Variants in BAIAP3 observed in about 807,000 individuals in gnomAD.
BAIAP3 encodes the protein BAI1 associated protein 3, also known as BAI1-associated protein 3.
BAIAP3 carries 180 observed loss-of-function variants against 149.7 expected under a neutral mutation model. The observed-to-expected ratio is 1.20, with a 90% CI of 1.07 to 1.36. BAIAP3 has a LOEUF of 1.36. Among genes scored for constraint, BAIAP3 ranks in the 40% most tolerant of loss-of-function variants. The pLI, the probability that BAIAP3 is intolerant of heterozygous loss-of-function variation, is 0.00. For missense variants in BAIAP3, 1,767 were observed against 1,563.4 expected (o/e 1.13, Z -2.20); for synonymous variants, 845 against 670.7 (o/e 1.26, Z -4.02).
At chr16:1,339,301 G>A (rs892566492) in intron 4 of BAIAP3, 57 bp downstream of exon 4, 52 of 1,539,004 alleles carry the variant, frequency 3.4e-5, no homozygotes, top group East Asian at 4.9e-5. Context: ...TCCCTCAGCC[G>A]TTTAGAGGCA....
chr16:1,349,000 G>T lies in BAIAP3; in HGVS notation c.*518G>T. 1 of 280,470 alleles carries T rather than the reference G, an allele frequency of 3.6e-6. No individual in the cohort carries two copies. The highest frequency in any genetic ancestry group is 2.2e-5 in the African/African-American group (1 of 45,220). 17.4% of individuals were successfully genotyped at this position (280,470 alleles called of 1,614,324 possible). ...GGGCAGGTGAGTCAAGAACCGCATA[G>T]GTCTCCAGTCCCCACGGGGCTCCCA... On this transcript the variant is annotated 3_prime_UTR_variant, in exon 34 of 34. Coordinates refer to ENST00000426824, the MANE Select transcript of BAIAP3 (RefSeq NM_001199097.2).
chr16:1,344,201 C>T, intron 16 of BAIAP3, 26 bp from the exon 17 acceptor site: 2 of 1,612,858 alleles, frequency 1.2e-6, no homozygotes, highest in Non-Finnish European at 1.7e-6. Flanking sequence ...GGGCAGGCCC[C>T]ACGTCAGCGT....
rs2033882623 is a variant in BAIAP3 at position 1,340,928 on chromosome 16, G to T, written c.415G>T (p.Gly139Cys). ...ALLSYLQQVF[G>C]TSLEEHTEAI... is the part of the protein sequence containing the mutation. The stretch of plus-strand genomic sequence containing the variant: ...ACCCAGCCACCCTCCACAGGTGTTT[G>T]GCACCAGCCTTGAGGAGCACACTGA... Residue 139 changes from glycine to cysteine, a missense_variant, in exon 6 of 34, where the codon GGC (glycine) becomes TGC (cysteine). Gly to Cys is a radical substitution (Grantham distance 159). Coordinates refer to ENST00000426824, the MANE Select transcript of BAIAP3 (RefSeq NM_001199097.2). 2.5e-6 allele frequency: 4 copies of T among 1,572,782 alleles called. No homozygotes were observed. The highest frequency in any genetic ancestry group is 3.4e-6 in the Non-Finnish European group (4 of 1,159,472).
rs756030566 is a variant in BAIAP3 at position 1,345,338 on chromosome 16, A to G, written c.2030A>G (p.Lys677Arg). The G allele has an allele frequency of 6.2e-7, 1 of 1,612,940 alleles. No homozygotes were observed. Among genetic ancestry groups the G allele is most frequent in the East Asian group, 2.2e-5 (1 of 44,884 alleles). Residue 677 changes from lysine (K) to arginine (R), a missense_variant, in exon 22 of 34, where the codon AAG becomes AGG. Lys to Arg is a conservative substitution (Grantham distance 26). Transcript: ENST00000426824. ...LWFQVLRDQA[K>R]WRLQGAVDMD... The stretch of plus-strand genomic sequence containing the variant: ...TTCCAAGTGCTGAGGGACCAGGCCA[A>G]GTGGAGGCTTCAGGGAGCCGTGGAC...
intron 1 of BAIAP3, 67 bp from the exon 2 acceptor site, chr16:1,338,473 C>G (rs543937481): frequency 3.7e-6 from 4 of 1,091,458 alleles, no homozygotes; most frequent in Non-Finnish European, 4.7e-6. Context: ...CCCACCCCCC[C>G]GCCTGCTGTG....
chr16:1,341,525 C>T (rs1308504964), intron 8 of BAIAP3, 36 bp downstream of exon 8: 3 of 1,585,182 alleles, frequency 1.9e-6, no homozygotes, highest in East Asian at 2.2e-5. Context: ...GGGAGGGGGG[C>T]TCTGCCTGGG....
intron 1 of BAIAP3, among the ~76,000 whole-genome samples, chr16:1,333,954 G>A (rs920389953): frequency 6.6e-6 from 1 of 152,126 alleles, no homozygotes; most frequent in Admixed American, 6.5e-5. Context: ...GCTTGGAGGG[G>A]CGGGGTCTCG....
Position 1,348,099 on chromosome 16 carries a change from C to T in BAIAP3, c.3153C>T (p.Ser1051=), listed in dbSNP as rs375793316. The part of the protein sequence containing the change: ...HPVYDELFYF[S]VPAEACRRRA... ...CCCGACTGGCCTCTGTCCGCAGTTCCGTGCCTGCCGAGGCGTGCCGCCGCC... is the reference window on the plus strand; with the variant it reads ...CCCGACTGGCCTCTGTCCGCAGTTCTGTGCCTGCCGAGGCGTGCCGCCGCC... The change falls in exon 33 of 34, where the codon TCC becomes TCT. Residue 1051 remains serine, a synonymous_variant. Coordinates refer to ENST00000426824, the MANE Select transcript of BAIAP3 (RefSeq NM_001199097.2). The T allele has an allele frequency of 2.7e-5, 43 of 1,602,294 alleles. No homozygotes were observed. The highest frequency in any genetic ancestry group is 1.6e-4 in the Middle Eastern group (1 of 6,080).
intron 15 of BAIAP3, 94 bp from the exon 16 acceptor site, chr16:1,343,928 C>A: frequency 6.4e-7 from 1 of 1,559,314 alleles, no homozygotes; most frequent in South Asian, 1.2e-5. Flanking sequence ...TGACCATGCC[C>A]GGGGAAGGGT....
At position 1,334,743 on chromosome 16, in the gene BAIAP3, A is replaced by G. The variant is rs2033350183; in HGVS notation, c.-11+994A>G. The G allele has an allele frequency of 4.5e-6, 7 of 1,552,230 alleles. No individual in the cohort carries two copies. The East Asian group carries it at 1.2e-4, about 27-fold the overall frequency. On this transcript the variant is annotated intron_variant, in intron 1 of 33. Transcript: ENST00000426824. ...CACCGCCATCGGCTTCGCAGGGGCC[A>G]TCTGGAGGAGTCGGTGAGACCAGGG...
chr16:1,342,792 G>C lies in BAIAP3; in HGVS notation c.1139G>C (p.Arg380Pro). The change falls in exon 13 of 34, where the codon CGG becomes CCG. Residue 380 changes from arginine (R) to proline (P), a missense_variant. Transcript: ENST00000426824. ...SHLLLLSHLL[R>P]LEHSAEEPNS... ...CTGCTGCTGCTCAGCCATCTGCTGC[G>C]GTTGGAGCACTCAGCAGAGGAGGTA... 6.2e-7 allele frequency: 1 copy of C among 1,612,710 alleles called. No individual in the cohort carries two copies. The highest frequency in any genetic ancestry group is 8.5e-7 in the Non-Finnish European group (1 of 1,180,006).
At position 1,341,285 on chromosome 16, in the gene BAIAP3, C is replaced by G. The variant is rs761456098; in HGVS notation, c.536-9C>G. The stretch of plus-strand genomic sequence containing the variant: ...GTGGGGCCAGGGCTGAGACGCCTGC[C>G]GTGCCCAGGCTTCAGCGACCCATAC... On this transcript the variant is annotated splice_polypyrimidine_tract_variant and intron_variant, in intron 7 of 33. Coordinates refer to ENST00000426824, the MANE Select transcript of BAIAP3 (RefSeq NM_001199097.2). 1.2e-5 allele frequency: 19 copies of G among 1,606,684 alleles called. No homozygotes were observed. The highest frequency in any genetic ancestry group is 1.7e-5 in the Admixed American group (1 of 59,790).
At chr16:1,335,403 A>G (rs961570175) in intron 1 of BAIAP3, among the ~76,000 whole-genome samples, 5 of 152,100 alleles carry the variant, frequency 3.3e-5, no homozygotes, top group Non-Finnish European at 7.4e-5. Context: ...GCCTCATGCT[A>G]CTGTCCCAGG....
At chr16:1,346,543 G>C (rs544841596) in intron 26 of BAIAP3, 33 bp downstream of exon 26, 1 of 1,592,458 alleles carries the variant, frequency 6.3e-7, no homozygotes, top group South Asian at 1.1e-5. Context: ...GTGGAGGACT[G>C]TGTGTACTGG....
Position 1,346,888 on chromosome 16 carries a change from T to C in BAIAP3, c.2684T>C (p.Leu895Pro). 2 of 1,610,102 alleles carry C rather than the reference T, an allele frequency of 1.2e-6. No individual in the cohort carries two copies. The highest frequency in any genetic ancestry group is 1.7e-6 in the Non-Finnish European group (2 of 1,179,226). Reference protein sequence around the residue: ...ALWELLLQAILQALGANRDVS... With the variant: ...ALWELLLQAIPQALGANRDVS... ...TGGGAGCTACTCCTCCAGGCCATTC[T>C]GCAGGCGCTGGGTGCAAACCGTGAC... is the stretch of plus-strand genomic sequence containing the variant. Residue 895 changes from leucine to proline, a missense_variant, in exon 28 of 34, where the codon CTG (leucine) becomes CCG (proline). Physicochemically the swap from Leu to Pro is moderately conservative, Grantham distance 98. Coordinates refer to ENST00000426824, the MANE Select transcript of BAIAP3 (RefSeq NM_001199097.2).
chr16:1,334,630 G>A, intron 1 of BAIAP3: 3 of 1,540,408 alleles, frequency 1.9e-6, no homozygotes, highest in Non-Finnish European at 2.6e-6. Context: ...GGCAGCGCTT[G>A]TTAGAATGCA....
At chr16:1,335,700 G>C (rs2033406246) in intron 1 of BAIAP3, among the ~76,000 whole-genome samples, 1 of 151,834 alleles carries the variant, frequency 6.6e-6, no homozygotes, top group Non-Finnish European at 1.5e-5. Context: ...CCCAGGATGA[G>C]CCAAGTCTTC....
In BAIAP3 at chr16:1,345,790, CCACTGCT is replaced by C; in HGVS notation, c.2109_2115del (p.Thr704ValfsTer59). On this transcript the variant is annotated frameshift_variant, in exon 23 of 34. Coordinates refer to ENST00000426824, the MANE Select transcript of BAIAP3 (RefSeq NM_001199097.2). LOFTEE classifies it high-confidence loss of function. ...TCCTCCAGGCACAGCAGCTCCGCAG[CCACTGCT>C]GGTCTCTGCCTCAGCCACATCCAGG... is the stretch of plus-strand genomic sequence containing the variant. The C allele has an allele frequency of 6.4e-7, 1 of 1,570,322 alleles. No individual in the cohort carries two copies. The highest frequency in any genetic ancestry group is 8.6e-7 in the Non-Finnish European group (1 of 1,163,078).
At chr16:1,342,694 T>A (rs760151761) in intron 12 of BAIAP3, 25 bp from the exon 13 acceptor site, 1 of 1,611,636 alleles carries the variant, frequency 6.2e-7, no homozygotes, top group South Asian at 1.1e-5. Flanking sequence ...GCAGAGCTGG[T>A]GACTGGGTGG....
Sources: allele counts gnomAD v4.1 joint callset (sites outside exome capture counted in the v4.1 genomes callset), GRCh38; gene constraint gnomAD v4.1.1; transcripts MANE v1.5; gene names NCBI Gene and HGNC (gene_info 2026-07-23, HGNC 2026-07-21).